Variants in PPP1R16B observed in about 807,000 individuals in gnomAD.
PPP1R16B encodes protein phosphatase 1 regulatory subunit 16B.
PPP1R16B carries 14 observed loss-of-function variants against 61.7 expected under a neutral mutation model. The observed-to-expected ratio is 0.23, with a 90% CI of 0.15 to 0.35. The LOEUF (loss-of-function observed/expected upper bound fraction) is 0.35. Among genes scored for constraint, PPP1R16B ranks in the 10% least tolerant of loss-of-function variants. PPP1R16B has a pLI of 1.00. For missense variants in PPP1R16B, 547 were observed against 752.5 expected, an observed-to-expected ratio of 0.73 and a Z score of 3.19; for synonymous variants, 266 against 305.3, an observed-to-expected ratio of 0.87 and a Z score of 1.34.
At chr20:38,833,323 C>T (rs2084849551) in intron 1 of PPP1R16B, among the ~76,000 whole-genome samples, 1 of 152,130 alleles carries the variant, frequency 6.6e-6, no homozygotes, top group South Asian at 2.1e-4. Context: ...GAGGGGGAGC[C>T]TAGAGAAGGA....
At chr20:38,835,560 A>T (rs2084863932) in intron 1 of PPP1R16B, among the ~76,000 whole-genome samples, 1 of 152,250 alleles carries the variant, frequency 6.6e-6, no homozygotes, top group Non-Finnish European at 1.5e-5. Context: ...AAATGTGGAT[A>T]GTGCAACCAA....
At chr20:38,867,344 TGA>T (rs932303259) in intron 2 of PPP1R16B, among the ~76,000 whole-genome samples, 7 of 152,206 alleles carry the variant, frequency 4.6e-5, no homozygotes, top group Non-Finnish European at 1.0e-4. Flanking sequence ...CAGGGACAGA[TGA>T]GCTTCCTGTG....
At chr20:38,828,810 T>C (rs2084819456) in intron 1 of PPP1R16B, among the ~76,000 whole-genome samples, 1 of 152,228 alleles carries the variant, frequency 6.6e-6, no homozygotes, top group African/African-American at 2.4e-5. Context: ...AATACACAGA[T>C]CACCACCAAA....
At chr20:38,856,336 T>C (rs2085008806) in intron 2 of PPP1R16B, among the ~76,000 whole-genome samples, 1 of 152,166 alleles carries the variant, frequency 6.6e-6, no homozygotes. Context: ...CCCTGACCTG[T>C]TCCAGTTGCC....
intron 2 of PPP1R16B, among the ~76,000 whole-genome samples, chr20:38,876,797 G>A (rs758240057): frequency 3.3e-5 from 5 of 152,118 alleles, no homozygotes; most frequent in African/African-American, 9.7e-5. Flanking sequence ...ATCATTCTGC[G>A]GAAGGTTTTT....
intron 2 of PPP1R16B, among the ~76,000 whole-genome samples, chr20:38,844,977 C>A (rs772856181): frequency 6.0e-5 from 9 of 150,416 alleles, no homozygotes; most frequent in Admixed American, 5.9e-4. Context: ...ACCCACCCCA[C>A]CCCACCCCCT....
intron 2 of PPP1R16B, among the ~76,000 whole-genome samples, chr20:38,844,469 C>G (rs1423170161): frequency 1.3e-5 from 2 of 152,120 alleles, no homozygotes; most frequent in Non-Finnish European, 2.9e-5. Context: ...AACTAGTGCT[C>G]CATGAGAGAA....
intron 2 of PPP1R16B, among the ~76,000 whole-genome samples, chr20:38,837,854 T>A (rs1162371165): frequency 1.3e-5 from 2 of 152,218 alleles, no homozygotes; most frequent in African/African-American, 4.8e-5. Flanking sequence ...GGCCTATGTT[T>A]CCAGATTTTA....
At chr20:38,883,086 A>T (rs2085214393) in intron 2 of PPP1R16B, among the ~76,000 whole-genome samples, 1 of 152,098 alleles carries the variant, frequency 6.6e-6, no homozygotes, top group Non-Finnish European at 1.5e-5. Context: ...GAAAGGAAGG[A>T]AGAGAGATAG....
chr20:38,826,153 C>T (rs1440184834), intron 1 of PPP1R16B, among the ~76,000 whole-genome samples: 5 of 152,166 alleles, frequency 3.3e-5, no homozygotes, highest in Non-Finnish European at 5.9e-5. Context: ...CCACAGGTGG[C>T]CTCCTTTGGA....
intron 2 of PPP1R16B, among the ~76,000 whole-genome samples, chr20:38,856,754 C>G (rs941256683): frequency 6.6e-6 from 1 of 152,256 alleles, no homozygotes; most frequent in Non-Finnish European, 1.5e-5. Context: ...CCCCATCTTA[C>G]AGGTGGATAA....
rs965038775 is a variant in PPP1R16B, at chr20:38,848,613, G to A, written c.250+12438G>A. On this transcript the variant is annotated intron_variant, in intron 2 of 10. Coordinates refer to ENST00000299824, the MANE Select transcript of PPP1R16B (RefSeq NM_015568.4). ...ATAATATTTAGGACTGTTTGGTCAA[G>A]TTTTCCCTCCAAACCTCAAAAATAG... is the stretch of plus-strand genomic sequence containing the variant. Among the ~76,000 whole-genome samples, 9 of 152,118 alleles carry A rather than the reference G, an allele frequency of 5.9e-5. 1 individual carries two copies. In the South Asian group the frequency reaches 1.0e-3, roughly 18 times the overall value.
chr20:38,846,306 G>T (rs1484795660), intron 2 of PPP1R16B, among the ~76,000 whole-genome samples: 1 of 152,160 alleles, frequency 6.6e-6, no homozygotes, highest in Non-Finnish European at 1.5e-5. Context: ...GACTGTAGGA[G>T]GTCATCTAGG....
In PPP1R16B at chr20:38,806,743, C is replaced by T. The variant is rs1249765249; in HGVS notation, c.-102+951C>T. Among the ~76,000 whole-genome samples, 2 of 152,192 alleles carry T rather than the reference C, an allele frequency of 1.3e-5. No homozygotes were observed. Among genetic ancestry groups the T allele is most frequent in the Admixed American group, 6.5e-5 (1 of 15,290 alleles). ...CACCCCGGCCCGGCCTCCAGCTTCACTGGAGATGCTGATGATGCAGCTCCC... is the reference window on the plus strand; with the variant it reads ...CACCCCGGCCCGGCCTCCAGCTTCATTGGAGATGCTGATGATGCAGCTCCC... On this transcript the variant is annotated intron_variant, in intron 1 of 10. Transcript: ENST00000299824. The surrounding 1 kb of genome is among the most constrained non-coding windows in gnomAD (Gnocchi z 4.5).
chr20:38,858,857 G>C (rs530375616), intron 2 of PPP1R16B, among the ~76,000 whole-genome samples: 3 of 152,300 alleles, frequency 2.0e-5, no homozygotes, highest in African/African-American at 7.2e-5. Flanking sequence ...GGTTCAGATG[G>C]AGCCCAGAGG....
Position 38,921,021 on chromosome 20 carries a change from G to T in PPP1R16B, c.*2355G>T, listed in dbSNP as rs1456206321. 6.6e-6 allele frequency: 1 copy of T among 152,274 alleles called. No homozygotes were observed. Among genetic ancestry groups the T allele is most frequent in the African/African-American group, 2.4e-5 (1 of 41,454 alleles). The allele number at this position is 152,274 out of a possible 1,614,324, so 9.4% of individuals were successfully genotyped here. A position where few individuals can be genotyped will look rare whatever the true frequency, so the allele number is the denominator to read the frequency against. ...CTCAGGGGCCAAACACTGAAGGCAC[G>T]TACTGCCCAACCCACTGAGCGCCTG... On this transcript the variant is annotated 3_prime_UTR_variant, in exon 11 of 11. Transcript: ENST00000299824.
chr20:38,882,747 C>T (rs1601286246), intron 2 of PPP1R16B, among the ~76,000 whole-genome samples: 1 of 152,074 alleles, frequency 6.6e-6, no homozygotes. Flanking sequence ...GATGGGGAAG[C>T]TCAATGGAGA....
intron 10 of PPP1R16B, among the ~76,000 whole-genome samples, chr20:38,914,322 C>A (rs2085515735): frequency 6.6e-6 from 1 of 152,140 alleles, no homozygotes; most frequent in African/African-American, 2.4e-5. Context: ...TCTGAGCGTT[C>A]TGGAAATCCT....
At chr20:38,827,875 C>G (rs148420805) in intron 1 of PPP1R16B, among the ~76,000 whole-genome samples, 1 of 152,048 alleles carries the variant, frequency 6.6e-6, no homozygotes, top group Non-Finnish European at 1.5e-5. Flanking sequence ...AAGTAGGTCC[C>G]GAGTGAGATC....
Sources: gnomAD v4.1 joint callset for allele counts (sites outside exome capture counted in the v4.1 genomes callset) on GRCh38, gnomAD v4.1.1 for gene constraint, Gnocchi (gnomAD v3.1) non-coding constraint, MANE v1.5 for transcripts, NCBI Gene and HGNC (gene_info 2026-07-23, HGNC 2026-07-21) for gene names.